The following FCHSD2 variants were observed in gnomAD, a reference collection of about 807,000 sequenced individuals.
FCHSD2 encodes F-BAR and double SH3 domains protein 2.
FCHSD2 carries 38 observed loss-of-function variants against 108.1 expected under a neutral mutation model. The observed-to-expected ratio is 0.35, with a 90% CI of 0.27 to 0.46. The LOEUF is 0.46. Among genes scored for constraint, FCHSD2 ranks in the 20% least tolerant of loss-of-function variants. The pLI, the probability that FCHSD2 is intolerant of heterozygous loss-of-function variation, is 1.00. For synonymous variants in FCHSD2, 279 were observed against 314.7 expected (o/e 0.89, Z 1.20); for missense variants, 751 against 897.8 (o/e 0.84, Z 2.09).
At chr11:72,961,802 G>A (rs1241663608) in intron 8 of FCHSD2, among the ~76,000 whole-genome samples, 1 of 152,146 alleles carries the variant, frequency 6.6e-6, no homozygotes, top group Non-Finnish European at 1.5e-5. Flanking sequence ...ATGTAACTTA[G>A]TTTATAAATT....
At chr11:72,973,617 T>C (rs1377928095) in intron 8 of FCHSD2, among the ~76,000 whole-genome samples, 1 of 152,232 alleles carries the variant, frequency 6.6e-6, no homozygotes, top group African/African-American at 2.4e-5. Flanking sequence ...GGAGATGTTT[T>C]GGGAGGGGTC....
intron 13 of FCHSD2, among the ~76,000 whole-genome samples, chr11:72,856,594 A>G (rs1171105929): frequency 6.6e-6 from 1 of 152,228 alleles, no homozygotes; most frequent in East Asian, 1.9e-4. Flanking sequence ...TATTGCCACC[A>G]TTTCAAAGCT....
At chr11:72,996,325 G>A (rs780803505) in intron 5 of FCHSD2, among the ~76,000 whole-genome samples, 1 of 152,130 alleles carries the variant, frequency 6.6e-6, no homozygotes, top group Non-Finnish European at 1.5e-5. Flanking sequence ...AAAATCAAAT[G>A]TGACTATAAT....
At chr11:72,902,477 G>A (rs1279853700) in intron 10 of FCHSD2, 66 bp downstream of exon 10, 3 of 1,056,084 alleles carry the variant, frequency 2.8e-6, no homozygotes, top group Non-Finnish European at 4.2e-6. Flanking sequence ...TATGCCAAGG[G>A]TAACTGTTAC....
chr11:72,959,131 T>C (rs1856772514), intron 8 of FCHSD2, among the ~76,000 whole-genome samples: 1 of 151,950 alleles, frequency 6.6e-6, no homozygotes, highest in Non-Finnish European at 1.5e-5. Flanking sequence ...ATGGTCTGTA[T>C]GATTCTGTCA....
At chr11:72,858,276 C>A (rs1337859983) in intron 13 of FCHSD2, among the ~76,000 whole-genome samples, 1 of 152,120 alleles carries the variant, frequency 6.6e-6, no homozygotes, top group African/African-American at 2.4e-5. Context: ...TGATGTTAAC[C>A]AAAGGAATAT....
At chr11:73,106,756 A>C (rs748459634) in intron 2 of FCHSD2, among the ~76,000 whole-genome samples, 3 of 152,160 alleles carry the variant, frequency 2.0e-5, no homozygotes, top group Non-Finnish European at 4.4e-5. Flanking sequence ...ACAATTGCTT[A>C]AAGTATTCAG....
At chr11:72,975,304 T>C (rs950999822) in intron 8 of FCHSD2, among the ~76,000 whole-genome samples, 11 of 152,186 alleles carry the variant, frequency 7.2e-5, no homozygotes, top group African/African-American at 2.7e-4. Flanking sequence ...TTCCATTCAT[T>C]TGGATATATA....
At chr11:72,920,123 G>A (rs1001907153) in intron 9 of FCHSD2, among the ~76,000 whole-genome samples, 7 of 152,016 alleles carry the variant, frequency 4.6e-5, no homozygotes, top group Middle Eastern at 3.2e-3. Flanking sequence ...TAGAAATAAT[G>A]AATATAAAGG....
chr11:73,109,943 T>C (rs1288698016), intron 2 of FCHSD2, among the ~76,000 whole-genome samples: 2 of 152,232 alleles, frequency 1.3e-5, no homozygotes, highest in African/African-American at 2.4e-5. Flanking sequence ...TGAGCATCAA[T>C]TGAAATGATC....
At chr11:72,931,521 C>A (rs1017034976) in intron 8 of FCHSD2, among the ~76,000 whole-genome samples, 5 of 151,556 alleles carry the variant, frequency 3.3e-5, no homozygotes, top group Non-Finnish European at 5.9e-5. Context: ...AATCCCAGCA[C>A]TTTGGGAGGC....
chr11:72,847,670 T>C (rs993997254), intron 14 of FCHSD2, among the ~76,000 whole-genome samples: 1 of 151,988 alleles, frequency 6.6e-6, no homozygotes, highest in Non-Finnish European at 1.5e-5. Context: ...ATGAACATTC[T>C]TAAGGCTTTT....
At chr11:72,912,984 C>T (rs904957387) in intron 9 of FCHSD2, among the ~76,000 whole-genome samples, 3 of 152,090 alleles carry the variant, frequency 2.0e-5, no homozygotes, top group African/African-American at 7.2e-5. Flanking sequence ...GGCTTCCGGA[C>T]ACTTACAATC....
intron 13 of FCHSD2, among the ~76,000 whole-genome samples, chr11:72,856,122 A>C (rs12803589): frequency 0.072 from 11,009 of 152,278 alleles, 555 homozygotes; most frequent in Middle Eastern, 0.12. Context: ...TAATTAATTA[A>C]AGTATCAAAT....
rs1856594959 is a variant in FCHSD2, at chr11:72,950,148, GA to G, written c.706-28199del. Among the ~76,000 whole-genome samples the G allele has an allele frequency of 2.0e-5, 3 of 152,172 alleles. No individual in the cohort carries two copies. The South Asian group carries it at 6.2e-4, about 32-fold the overall frequency. ...GAATAAAGGTATTACTCATCTTTGA[GA>G]AAAAAGTCTATTAAAATCCTTGCCC... On this transcript the variant is annotated intron_variant, in intron 8 of 19. Coordinates refer to ENST00000409418, the MANE Select transcript of FCHSD2 (RefSeq NM_014824.3).
At chr11:72,999,599 C>T (rs1266046706) in intron 5 of FCHSD2, among the ~76,000 whole-genome samples, 4 of 152,038 alleles carry the variant, frequency 2.6e-5, no homozygotes, top group Admixed American at 6.6e-5. Flanking sequence ...GGATTACAGG[C>T]GTGAGCCACC....
At chr11:72,925,527 AAAAC>A (rs891794785) in intron 8 of FCHSD2, among the ~76,000 whole-genome samples, 4 of 152,200 alleles carry the variant, frequency 2.6e-5, no homozygotes, top group East Asian at 1.9e-4. Context: ...CCCTATCTTT[AAAAC>A]AAACAAACAA....
At chr11:72,893,171 T>C (rs1481000249) in intron 10 of FCHSD2, among the ~76,000 whole-genome samples, 1 of 151,886 alleles carries the variant, frequency 6.6e-6, no homozygotes, top group Admixed American at 6.6e-5. Flanking sequence ...AGTTAACTTT[T>C]TGTATTTTTA....
At chr11:73,078,955 GT>G (rs1401150784) in intron 3 of FCHSD2, among the ~76,000 whole-genome samples, 5 of 152,082 alleles carry the variant, frequency 3.3e-5, no homozygotes, top group Non-Finnish European at 7.4e-5. Flanking sequence ...CTGATCTAAA[GT>G]GATCAATATG....
Sources: gnomAD v4.1 joint callset for allele counts (sites outside exome capture counted in the v4.1 genomes callset) on GRCh38, gnomAD v4.1.1 for gene constraint, MANE v1.5 for transcripts, NCBI Gene and HGNC (gene_info 2026-07-23, HGNC 2026-07-21) for gene names.